MAP4K3: variants seen among roughly 807,000 people sequenced by gnomAD.
MAP4K3 encodes the protein mitogen-activated protein kinase kinase kinase kinase 3.
MAP4K3 carries 94 observed loss-of-function variants against 143.5 expected under a neutral mutation model. The observed-to-expected ratio is 0.65, with a 90% confidence interval of 0.55 to 0.78. MAP4K3 has a LOEUF of 0.78. Ranked by LOEUF, MAP4K3 falls within the 30% of genes least tolerant of loss-of-function variation. The probability of loss-of-function intolerance (pLI) is 0.00; values close to 1 mark genes in which losing one functional copy is unlikely to be tolerated. For synonymous variants in MAP4K3, 416 were observed against 347.2 expected, an observed-to-expected ratio of 1.20 and a Z score of -2.20; for missense variants, 1,077 against 1,068.1, an observed-to-expected ratio of 1.01 and a Z score of -0.12.
rs1681259108 is a variant in MAP4K3, at chr2:39,276,498, A to G, written c.1794+1909T>C. On this transcript the variant is annotated intron_variant, in intron 24 of 33. Transcript: ENST00000263881. ...ATGGTGAAGTAGTTAAGCACATGGA[A>G]TCTGGAGCTAGCTTGCCTAGGTTCA... 2.0e-5 allele frequency among the ~76,000 whole-genome samples: 3 copies of G among 152,222 alleles called. No homozygotes were observed. In the South Asian group the frequency reaches 6.2e-4, roughly 32 times the overall value.
chr2:39,392,562 TG>T (rs1666695721), intron 1 of MAP4K3, among the ~76,000 whole-genome samples: 1 of 152,190 alleles, frequency 6.6e-6, no homozygotes, highest in Admixed American at 6.5e-5. Flanking sequence ...AACTGATATA[TG>T]TTTTATACTT....
intron 24 of MAP4K3, 127 bp from the exon 25 acceptor site, chr2:39,272,669 A>G (rs1681079560): frequency 3.0e-6 from 2 of 676,406 alleles, no homozygotes; most frequent in Non-Finnish European, 5.1e-6. Context: ...TTTTTAACAT[A>G]AATTAACTTT....
chr2:39,280,268 C>G lies in MAP4K3; in HGVS notation c.1714+4G>C, dbSNP rs775818518. ...AGATAACAGATAAAAACACACAATA[C>G]TACCTCTTGTATCTGGGTTTATCCA... On this transcript the variant is annotated splice_donor_region_variant and intron_variant, in intron 23 of 33. Coordinates refer to ENST00000263881, the MANE Select transcript of MAP4K3 (RefSeq NM_003618.4). The G allele has an allele frequency of 6.5e-7, 1 of 1,533,886 alleles. No individual in the cohort carries two copies. Among genetic ancestry groups the G allele is most frequent in the Middle Eastern group, 1.7e-4 (1 of 5,796 alleles).
At chr2:39,425,294 G>A (rs1558350943) in intron 1 of MAP4K3, among the ~76,000 whole-genome samples, 1 of 152,100 alleles carries the variant, frequency 6.6e-6, no homozygotes, top group Non-Finnish European at 1.5e-5. Flanking sequence ...AAAGCACTAA[G>A]AACAATTAAG....
intron 2 of MAP4K3, among the ~76,000 whole-genome samples, chr2:39,367,850 A>G (rs1158877826): frequency 1.3e-5 from 2 of 152,258 alleles, no homozygotes; most frequent in African/African-American, 2.4e-5. Context: ...ATACATACAT[A>G]TATCTGTGCT....
At chr2:39,365,895 C>T (rs1468284891) in intron 2 of MAP4K3, among the ~76,000 whole-genome samples, 1 of 152,194 alleles carries the variant, frequency 6.6e-6, no homozygotes, top group Non-Finnish European at 1.5e-5. Flanking sequence ...AGTGAGAACA[C>T]ACATCTACGT....
intron 1 of MAP4K3, among the ~76,000 whole-genome samples, chr2:39,430,437 G>GC (rs1340593767): frequency 6.6e-6 from 1 of 151,800 alleles, no homozygotes; most frequent in East Asian, 1.9e-4. Flanking sequence ...CAGAAATGTG[G>GC]CATCTTCCAG....
chr2:39,293,605 C>T (rs535309732), intron 16 of MAP4K3, among the ~76,000 whole-genome samples: 4 of 152,194 alleles, frequency 2.6e-5, no homozygotes, highest in Admixed American at 2.6e-4. Context: ...AGGGTCATAG[C>T]CAGGAGTCTC....
intron 1 of MAP4K3, among the ~76,000 whole-genome samples, chr2:39,425,194 CAT>C: frequency 7.2e-6 from 1 of 139,532 alleles, no homozygotes; most frequent in Middle Eastern, 3.6e-3. Flanking sequence ...TCAAAATTAA[CAT>C]AGAAATTCAC....
chr2:39,411,628 G>C (rs753173548), intron 1 of MAP4K3, among the ~76,000 whole-genome samples: 1 of 152,218 alleles, frequency 6.6e-6, no homozygotes, highest in Non-Finnish European at 1.5e-5. Context: ...GAACCAGTAA[G>C]CTTTTATCTG....
At chr2:39,388,181 A>G (rs1028457070) in intron 1 of MAP4K3, among the ~76,000 whole-genome samples, 3 of 152,228 alleles carry the variant, frequency 2.0e-5, no homozygotes, top group Non-Finnish European at 4.4e-5. Context: ...TCAGGTAACC[A>G]ATTCCAACTT....
chr2:39,354,680 A>G (rs1665556692), intron 3 of MAP4K3, among the ~76,000 whole-genome samples: 1 of 151,712 alleles, frequency 6.6e-6, no homozygotes. Flanking sequence ...AAACAAAAAA[A>G]AAACAAAAAA....
intron 1 of MAP4K3, among the ~76,000 whole-genome samples, chr2:39,383,774 G>T (rs941391650): frequency 2.0e-5 from 3 of 151,552 alleles, no homozygotes; most frequent in African/African-American, 7.3e-5. Flanking sequence ...CTAAAATAGG[G>T]ATCAGCAAAC....
At chr2:39,390,308 G>C (rs560417221) in intron 1 of MAP4K3, among the ~76,000 whole-genome samples, 2 of 151,984 alleles carry the variant, frequency 1.3e-5, no homozygotes, top group African/African-American at 2.4e-5. Flanking sequence ...TGAGAAATAC[G>C]GTATACACCT....
chr2:39,399,999 A>C lies in MAP4K3; in HGVS notation c.97-21876T>G, dbSNP rs13411067. ...GGTAAGTTTATAAGACAATTTCCCC[A>C]GACTTCAGTAAGCTCAAAGCTCAGA... On this transcript the variant is annotated intron_variant, in intron 1 of 33. Coordinates refer to ENST00000263881, the MANE Select transcript of MAP4K3 (RefSeq NM_003618.4). Among the ~76,000 whole-genome samples the C allele has an allele frequency of 2.0e-5, 3 of 152,284 alleles. No individual in the cohort carries two copies. In the South Asian group the frequency reaches 6.2e-4, roughly 32 times the overall value.
At chr2:39,319,208 G>T (rs976007208) in intron 12 of MAP4K3, among the ~76,000 whole-genome samples, 3 of 151,654 alleles carry the variant, frequency 2.0e-5, no homozygotes, top group African/African-American at 7.3e-5. Context: ...TCTTTTTCAA[G>T]TATATACACT....
chr2:39,343,495 A>C, intron 3 of MAP4K3, 43 bp from the exon 4 acceptor site: 1 of 1,525,810 alleles, frequency 6.6e-7, no homozygotes, highest in Non-Finnish European at 9.1e-7. Flanking sequence ...TCATGATTAA[A>C]ACTGTCTGTG....
intron 2 of MAP4K3, among the ~76,000 whole-genome samples, chr2:39,361,608 A>C (rs1209395543): frequency 6.6e-6 from 1 of 151,956 alleles, no homozygotes; most frequent in African/African-American, 2.4e-5. Flanking sequence ...TTGTGTACCT[A>C]AGAATAAGCT....
chr2:39,374,642 A>C (rs899659811), intron 2 of MAP4K3, among the ~76,000 whole-genome samples: 1 of 152,130 alleles, frequency 6.6e-6, no homozygotes, highest in Non-Finnish European at 1.5e-5. Flanking sequence ...AGATCGGGCC[A>C]CTGCACTCCA....
Sources: allele counts gnomAD v4.1 joint callset (sites outside exome capture counted in the v4.1 genomes callset), GRCh38; gene constraint gnomAD v4.1.1; transcripts MANE v1.5; gene names NCBI Gene and HGNC (gene_info 2026-07-23, HGNC 2026-07-21).